AK5: variants seen among roughly 807,000 people sequenced by gnomAD.
AK5 encodes adenylate kinase 5.
In AK5, 27 loss-of-function variants were observed where a neutral mutation model predicts 69.5. The observed-to-expected ratio is 0.39, with a 90% CI of 0.29 to 0.54. The LOEUF (loss-of-function observed/expected upper bound fraction) is 0.54. Among genes scored for constraint, AK5 ranks in the 20% least tolerant of loss-of-function variants. AK5 has a pLI of 0.71. For synonymous variants in AK5, 260 were observed against 244.4 expected, an observed-to-expected ratio of 1.06 and a Z score of -0.60; for missense variants, 531 against 700.4, an observed-to-expected ratio of 0.76 and a Z score of 2.73.
rs10643921 is a variant in AK5, at chr1:77,357,992, A to AGTGTGTGT, written c.891+17444_891+17451dup. Reference sequence around the variant, plus strand: ...AAAACATGTAATATTTATGGAGAGTAGTGTGTGTGTGTGTGTGTGTGTGTG... The same window carrying AGTGTGTGT: ...AAAACATGTAATATTTATGGAGAGTAGTGTGTGTGTGTGTGTGTGTGTGTGTGTGTGTG... On this transcript the variant is annotated intron_variant, in intron 6 of 13. Coordinates refer to ENST00000354567, the MANE Select transcript of AK5 (RefSeq NM_174858.3). Among the ~76,000 whole-genome samples, 959 of 121,086 alleles carry AGTGTGTGT rather than the reference A, an allele frequency of 7.9e-3. 10 individuals are homozygous for AGTGTGTGT. Among genetic ancestry groups the AGTGTGTGT allele is most frequent in the Admixed American group, 0.026 (299 of 11,338 alleles). 79.4% of individuals were successfully genotyped at this position (121,086 alleles called of 152,430 possible).
intron 6 of AK5, among the ~76,000 whole-genome samples, chr1:77,341,087 T>A (rs1661631284): frequency 6.6e-6 from 1 of 152,180 alleles, no homozygotes; most frequent in South Asian, 2.1e-4. Context: ...AAATGGGAGG[T>A]AGTCACCCTT....
chr1:77,287,563 C>T (rs1269361607), intron 2 of AK5, among the ~76,000 whole-genome samples: 2 of 152,176 alleles, frequency 1.3e-5, no homozygotes, highest in African/African-American at 4.8e-5. Flanking sequence ...ATTAATGCAT[C>T]TGCATAAATG....
intron 1 of AK5, among the ~76,000 whole-genome samples, chr1:77,286,322 A>G (rs1286436637): frequency 6.6e-6 from 1 of 150,802 alleles, no homozygotes; most frequent in Non-Finnish European, 1.5e-5. Flanking sequence ...CACATGCTGC[A>G]TTTTATCTCA....
At chr1:77,312,407 G>T (rs1660010060) in intron 5 of AK5, among the ~76,000 whole-genome samples, 2 of 152,098 alleles carry the variant, frequency 1.3e-5, no homozygotes, top group Non-Finnish European at 2.9e-5. Flanking sequence ...TTGAGGTCAG[G>T]AGTTCAAGAC....
At chr1:77,388,690 A>G (rs1282464350) in intron 6 of AK5, among the ~76,000 whole-genome samples, 1 of 152,114 alleles carries the variant, frequency 6.6e-6, no homozygotes, top group African/African-American at 2.4e-5. Context: ...ATAAAGCCTG[A>G]CATTTAAGAA....
intron 8 of AK5, among the ~76,000 whole-genome samples, chr1:77,433,995 C>G (rs958382439): frequency 3.3e-5 from 5 of 151,282 alleles, no homozygotes; most frequent in African/African-American, 9.7e-5. Flanking sequence ...TTCCATGAAT[C>G]TGATTGAGTA....
intron 10 of AK5, among the ~76,000 whole-genome samples, chr1:77,516,868 G>A (rs893118100): frequency 1.3e-5 from 2 of 151,916 alleles, no homozygotes; most frequent in African/African-American, 4.8e-5. Flanking sequence ...CCAGGAGTTC[G>A]ACACCAGCCT....
chr1:77,416,509 C>T (rs1262005042), intron 7 of AK5, among the ~76,000 whole-genome samples: 1 of 152,136 alleles, frequency 6.6e-6, no homozygotes, highest in Non-Finnish European at 1.5e-5. Context: ...AAGATATAAA[C>T]ACAGTAAACA....
intron 12 of AK5, chr1:77,532,008 G>GGCCGGCCA (rs1553161454): frequency 5.3e-5 from 8 of 151,474 alleles, no homozygotes; most frequent in South Asian, 2.1e-4. Context: ...CCGGCCGGCC[G>GGCCGGCCA]CTCCGAGTGC....
chr1:77,348,789 G>A (rs1314853741), intron 6 of AK5, among the ~76,000 whole-genome samples: 1 of 151,688 alleles, frequency 6.6e-6, no homozygotes, highest in African/African-American at 2.4e-5. Context: ...ATTTTTAGCT[G>A]GTTATTCTCC....
At chr1:77,476,407 A>G (rs748741978) in intron 8 of AK5, among the ~76,000 whole-genome samples, 1 of 152,214 alleles carries the variant, frequency 6.6e-6, no homozygotes, top group Non-Finnish European at 1.5e-5. Context: ...GTATTTTTCA[A>G]CATTCTCCTG....
intron 12 of AK5, among the ~76,000 whole-genome samples, chr1:77,528,676 G>A (rs1305916045): frequency 6.6e-6 from 1 of 152,200 alleles, no homozygotes; most frequent in East Asian, 1.9e-4. Context: ...GGGAGGGGCT[G>A]TGTATATGTA....
At chr1:77,431,227 G>T (rs1189240602) in intron 8 of AK5, among the ~76,000 whole-genome samples, 2 of 152,190 alleles carry the variant, frequency 1.3e-5, no homozygotes, top group East Asian at 3.8e-4. Flanking sequence ...AAACACAACA[G>T]GATTACCAAG....
chr1:77,403,134 G>T (rs1272804780), intron 6 of AK5, among the ~76,000 whole-genome samples: 1 of 152,076 alleles, frequency 6.6e-6, no homozygotes, highest in African/African-American at 2.4e-5. Flanking sequence ...CCCACTTTTT[G>T]ATGGGGTTGT....
At chr1:77,351,903 C>T (rs190181357) in intron 6 of AK5, among the ~76,000 whole-genome samples, 22 of 150,442 alleles carry the variant, frequency 1.5e-4, no homozygotes, top group Admixed American at 6.0e-4. Context: ...TGAAAAGATA[C>T]GTAAAATACA....
intron 10 of AK5, among the ~76,000 whole-genome samples, chr1:77,497,787 G>A (rs546876288): frequency 6.6e-6 from 1 of 152,032 alleles, no homozygotes; most frequent in Non-Finnish European, 1.5e-5. Flanking sequence ...TCACCATGTT[G>A]CCCAGGCTGG....
At chr1:77,552,378 C>T (rs1359974789) in intron 13 of AK5, among the ~76,000 whole-genome samples, 2 of 152,158 alleles carry the variant, frequency 1.3e-5, no homozygotes, top group African/African-American at 2.4e-5. Flanking sequence ...CCTCCCTTAC[C>T]GTGCTTTAAC....
chr1:77,379,319 T>A (rs2100498069), intron 6 of AK5, among the ~76,000 whole-genome samples: 1 of 152,330 alleles, frequency 6.6e-6, no homozygotes, highest in Admixed American at 6.5e-5. Flanking sequence ...ACATTAATCA[T>A]CATCATTATC....
chr1:77,368,399 G>A (rs936094570), intron 6 of AK5, among the ~76,000 whole-genome samples: 10 of 141,028 alleles, frequency 7.1e-5, no homozygotes, highest in Admixed American at 1.5e-4. Context: ...ATAGCCTGAA[G>A]GTAATTTTAT....
Sources: gnomAD v4.1 joint callset for allele counts (sites outside exome capture counted in the v4.1 genomes callset) on GRCh38, gnomAD v4.1.1 for gene constraint, MANE v1.5 for transcripts, NCBI Gene and HGNC (gene_info 2026-07-23, HGNC 2026-07-21) for gene names.